The following EXOC6B variants were observed in gnomAD, a reference collection of about 807,000 sequenced individuals.
The protein encoded by EXOC6B is SEC15 homolog B.
EXOC6B carries 54 observed loss-of-function variants against 113.5 expected under a neutral mutation model. The ratio of observed to expected loss-of-function variants is 0.48; its 90% CI spans 0.38 to 0.60. The LOEUF is 0.60. EXOC6B is among the 20% of genes least tolerant of loss of function. The pLI, the probability that EXOC6B is intolerant of heterozygous loss-of-function variation, is 0.00. For synonymous variants in EXOC6B, 357 were observed against 339.0 expected, an observed-to-expected ratio of 1.05 and a Z score of -0.58; for missense variants, 797 against 977.5, an observed-to-expected ratio of 0.82 and a Z score of 2.46.
At chr2:72,728,361 T>C (rs1680433448) in intron 5 of EXOC6B, among the ~76,000 whole-genome samples, 1 of 152,228 alleles carries the variant, frequency 6.6e-6, no homozygotes, top group East Asian at 1.9e-4. Context: ...CATAGCAACA[T>C]CTAAAAAACA....
At chr2:72,403,103 A>C (rs1336343724) in intron 18 of EXOC6B, among the ~76,000 whole-genome samples, 1 of 152,212 alleles carries the variant, frequency 6.6e-6, no homozygotes, top group Non-Finnish European at 1.5e-5. Flanking sequence ...ACCTCAGGTG[A>C]AAGATTAGGG....
At chr2:72,296,198 G>A (rs1444650400) in intron 20 of EXOC6B, among the ~76,000 whole-genome samples, 1 of 151,982 alleles carries the variant, frequency 6.6e-6, no homozygotes, top group Non-Finnish European at 1.5e-5. Flanking sequence ...TCTTCATTCT[G>A]GCAGTTTCTA....
rs150654316 is a variant in EXOC6B at position 72,520,206 on chromosome 2, C to T, written c.916-5080G>A. Among the ~76,000 whole-genome samples the T allele has an allele frequency of 5.2e-3, 795 of 152,278 alleles. 8 individuals carry two copies. The highest frequency in any genetic ancestry group is 0.027 in the South Asian group (131 of 4,820). ...TCCTACAACAATGCCAGACACATAA[C>T]TGGTATGCAATTTTCAATAAATGAT... On this transcript the variant is annotated intron_variant, in intron 8 of 21. Coordinates refer to ENST00000272427, the MANE Select transcript of EXOC6B (RefSeq NM_015189.3).
At chr2:72,718,412 T>C (rs2104720496) in intron 5 of EXOC6B, 105 bp from the exon 6 acceptor site, 1 of 753,594 alleles carries the variant, frequency 1.3e-6, no homozygotes, top group East Asian at 2.7e-5. Flanking sequence ...AAATCCAGCA[T>C]GAAGTTTTAA....
Position 72,307,161 on chromosome 2 carries a change from G to GTTTTTTTTTTTTTTTTTTTTTTTTTT in EXOC6B, c.2196+27785_2196+27786insAAAAAAAAAAAAAAAAAAAAAAAAAA, listed in dbSNP as rs1553371308. On this transcript the variant is annotated intron_variant, in intron 20 of 21. Coordinates refer to ENST00000272427, the MANE Select transcript of EXOC6B (RefSeq NM_015189.3). ...TCCATGACTGCAATGGTATAGTCCA[G>GTTTTTTTTTTTTTTTTTTTTTTTTTT]TTTTTTTTTTTTTGAGACGGAGTCT... Among the ~76,000 whole-genome samples the GTTTTTTTTTTTTTTTTTTTTTTTTTT allele has an allele frequency of 3.3e-4, 42 of 128,480 alleles. 2 individuals carry two copies. Among genetic ancestry groups the GTTTTTTTTTTTTTTTTTTTTTTTTTT allele is most frequent in the African/African-American group, 1.5e-3 (38 of 26,186 alleles). 84.3% of individuals were successfully genotyped at this position (128,480 alleles called of 152,430 possible).
chr2:72,517,043 G>A (rs534685148), intron 8 of EXOC6B, among the ~76,000 whole-genome samples: 1 of 152,172 alleles, frequency 6.6e-6, no homozygotes, highest in South Asian at 2.1e-4. Flanking sequence ...TGGGAAAGTC[G>A]ACTTAAGGTA....
chr2:72,815,233 G>A (rs1236746292), intron 1 of EXOC6B, among the ~76,000 whole-genome samples: 2 of 152,130 alleles, frequency 1.3e-5, no homozygotes, highest in African/African-American at 4.8e-5. Context: ...GCTCCCGCCT[G>A]TAATCCTAGC....
At chr2:72,738,118 G>A (rs926989878) in intron 2 of EXOC6B, among the ~76,000 whole-genome samples, 1 of 152,014 alleles carries the variant, frequency 6.6e-6, no homozygotes, top group African/African-American at 2.4e-5. Flanking sequence ...TGTGTGCTGT[G>A]ACAAGAAAAG....
Position 72,491,255 on chromosome 2 carries a change from A to T in EXOC6B, c.1665+1063T>A, listed in dbSNP as rs762418520. 2.2e-4 allele frequency among the ~76,000 whole-genome samples: 33 copies of T among 152,202 alleles called. 1 individual carries two copies. Among genetic ancestry groups the T allele is most frequent in the Non-Finnish European group, 4.9e-4 (33 of 68,022 alleles). On this transcript the variant is annotated intron_variant, in intron 16 of 21. Coordinates refer to ENST00000272427, the MANE Select transcript of EXOC6B (RefSeq NM_015189.3). ...TCAATTGAAAGAAAAGTTTGCTATA[A>T]GTAGAACTCAATCACTTCCAATGTC...
chr2:72,684,132 A>G (rs1321613034), intron 6 of EXOC6B, among the ~76,000 whole-genome samples: 1 of 152,158 alleles, frequency 6.6e-6, no homozygotes, highest in Non-Finnish European at 1.5e-5. Flanking sequence ...GGGTTTCACC[A>G]TGTTGGCTGG....
chr2:72,333,582 A>T (rs562205623), intron 20 of EXOC6B, among the ~76,000 whole-genome samples: 1 of 152,260 alleles, frequency 6.6e-6, no homozygotes, highest in South Asian at 2.1e-4. Context: ...AGGGATTAAA[A>T]CCTGAATGTC....
At chr2:72,588,919 T>C (rs1705751552) in intron 6 of EXOC6B, among the ~76,000 whole-genome samples, 2 of 152,010 alleles carry the variant, frequency 1.3e-5, no homozygotes, top group Non-Finnish European at 2.9e-5. Context: ...AATATTACCT[T>C]TTTCCTTTAC....
chr2:72,288,007 A>G (rs950467108), intron 20 of EXOC6B, among the ~76,000 whole-genome samples: 2 of 152,168 alleles, frequency 1.3e-5, no homozygotes, highest in African/African-American at 2.4e-5. Flanking sequence ...GAAATCCAAT[A>G]GAAAATTTGG....
intron 20 of EXOC6B, among the ~76,000 whole-genome samples, chr2:72,315,226 G>C (rs1687439415): frequency 6.6e-6 from 1 of 152,126 alleles, no homozygotes; most frequent in African/African-American, 2.4e-5. Context: ...GTCATATCAA[G>C]TGCAAAGGCC....
chr2:72,409,532 C>T (rs1221360774), intron 18 of EXOC6B, among the ~76,000 whole-genome samples: 1 of 152,162 alleles, frequency 6.6e-6, no homozygotes, highest in African/African-American at 2.4e-5. Context: ...GAATACTATG[C>T]AGCCATAAAA....
chr2:72,182,583 G>A (rs1485490660), intron 21 of EXOC6B, among the ~76,000 whole-genome samples: 1 of 151,976 alleles, frequency 6.6e-6, no homozygotes, highest in African/African-American at 2.4e-5. Flanking sequence ...TTTATTTCAG[G>A]CCCCACACTA....
chr2:72,564,110 A>G (rs1704034098), intron 7 of EXOC6B, among the ~76,000 whole-genome samples: 1 of 152,184 alleles, frequency 6.6e-6, no homozygotes, highest in Non-Finnish European at 1.5e-5. Context: ...CACTATAAGA[A>G]AAGATTGCTT....
chr2:72,742,327 A>ATTGT (rs1681372734), intron 1 of EXOC6B, among the ~76,000 whole-genome samples: 1 of 152,034 alleles, frequency 6.6e-6, no homozygotes, highest in Non-Finnish European at 1.5e-5. Flanking sequence ...TTTAAATATA[A>ATTGT]TTGTTTTTAT....
chr2:72,756,298 T>A (rs1306022986), intron 1 of EXOC6B, among the ~76,000 whole-genome samples: 2 of 152,166 alleles, frequency 1.3e-5, no homozygotes, highest in Non-Finnish European at 2.9e-5. Flanking sequence ...TTGGCCTGGA[T>A]TAAGCATTCT....
Sources: gnomAD v4.1 joint callset for allele counts (sites outside exome capture counted in the v4.1 genomes callset) on GRCh38, gnomAD v4.1.1 for gene constraint, MANE v1.5 for transcripts, NCBI Gene and HGNC (gene_info 2026-07-23, HGNC 2026-07-21) for gene names.